The following COL4A6 variants were observed in gnomAD, a reference collection of about 807,000 sequenced individuals.
COL4A6 encodes collagen type IV alpha 6 chain.
A neutral mutation model predicts 126.7 loss-of-function variants in COL4A6; 59 were observed. The ratio of observed to expected loss-of-function variants is 0.47; its 90% CI spans 0.38 to 0.58. The LOEUF is 0.58. Among genes scored for constraint, COL4A6 ranks in the 20% least tolerant of loss-of-function variants. COL4A6 has a pLI of 0.00. For missense variants in COL4A6, 1,285 were observed against 1,337.3 expected, an observed-to-expected ratio of 0.96 and a Z score of 0.61; for synonymous variants, 547 against 496.6, an observed-to-expected ratio of 1.10 and a Z score of -1.35.
chrX:108,236,567 T>C (rs2036435003), intron 3 of COL4A6, among the ~76,000 whole-genome samples: 1 of 111,615 alleles, frequency 9.0e-6, no homozygotes, highest in Non-Finnish European at 1.9e-5. Context: ...AAACATGCTC[T>C]GGAGTGCCTG....
intron 2 of COL4A6, among the ~76,000 whole-genome samples, chrX:108,408,945 G>A (rs1475579569): frequency 2.7e-5 from 3 of 112,091 alleles, no homozygotes; most frequent in Non-Finnish European, 5.6e-5. Flanking sequence ...TGGACAACAA[G>A]AGCGACACTC....
At chrX:108,390,579 T>C (rs1037770129) in intron 2 of COL4A6, among the ~76,000 whole-genome samples, 1 of 109,457 alleles carries the variant, frequency 9.1e-6, no homozygotes, top group Admixed American at 9.9e-5. Flanking sequence ...TTCAGCTCCA[T>C]TGGGTCATTT....
At chrX:108,386,103 T>G (rs2040684824) in intron 2 of COL4A6, among the ~76,000 whole-genome samples, 2 of 112,076 alleles carry the variant, frequency 1.8e-5, no homozygotes, top group African/African-American at 6.5e-5. Context: ...CCACATTTTC[T>G]TTATCCAGTC....
chrX:108,392,347 T>C (rs1270727833), intron 2 of COL4A6, among the ~76,000 whole-genome samples: 3 of 110,285 alleles, frequency 2.7e-5, no homozygotes, highest in Non-Finnish European at 1.9e-5. Context: ...GGAAAAAATA[T>C]TTGCAAATCA....
chrX:108,193,723 C>T (rs1233676601), intron 16 of COL4A6, 26 bp from the exon 17 acceptor site: 1 of 1,114,846 alleles, frequency 9.0e-7, no homozygotes, highest in Non-Finnish European at 1.2e-6. Context: ...ACATTAAACA[C>T]AAATATTTCC....
chrX:108,373,307 C>G (rs1449272867), intron 2 of COL4A6, among the ~76,000 whole-genome samples: 2 of 111,935 alleles, frequency 1.8e-5, no homozygotes, highest in Non-Finnish European at 3.8e-5. Context: ...TAATCTCTTT[C>G]TTTTCAGCCG....
At chrX:108,218,660 T>TG (rs2035929158) in intron 5 of COL4A6, among the ~76,000 whole-genome samples, 1 of 111,779 alleles carries the variant, frequency 8.9e-6, no homozygotes, top group Non-Finnish European at 1.9e-5. Context: ...TATCTATAGA[T>TG]TGGCAAAAAG....
intron 40 of COL4A6, among the ~76,000 whole-genome samples, chrX:108,163,771 T>C (rs1293085847): frequency 8.9e-6 from 1 of 112,330 alleles, no homozygotes; most frequent in Non-Finnish European, 1.9e-5. Context: ...CAGTGGCCTT[T>C]TGCAAGCAAT....
intron 5 of COL4A6, among the ~76,000 whole-genome samples, chrX:108,215,546 C>A (rs747163890): frequency 9.0e-6 from 1 of 111,600 alleles, no homozygotes; most frequent in Non-Finnish European, 1.9e-5. Flanking sequence ...ATGGAGGCAA[C>A]CTAGGCTCCC....
At chrX:108,261,462 A>C (rs1471036552) in intron 3 of COL4A6, among the ~76,000 whole-genome samples, 1 of 111,615 alleles carries the variant, frequency 9.0e-6, no homozygotes, top group Non-Finnish European at 1.9e-5. Context: ...ATAGATGAGG[A>C]AAATGGGGCT....
chrX:108,157,621 C>G (rs979819113), intron 44 of COL4A6, among the ~76,000 whole-genome samples: 7 of 111,635 alleles, frequency 6.3e-5, no homozygotes, highest in Non-Finnish European at 1.3e-4. Context: ...ACAAATGGAT[C>G]TGAGAAAAGC....
intron 2 of COL4A6, among the ~76,000 whole-genome samples, chrX:108,365,554 C>T (rs1245191168): frequency 9.0e-6 from 1 of 111,606 alleles, no homozygotes; most frequent in African/African-American, 3.3e-5. Context: ...ATATAGCTGC[C>T]TCCCAAGTGC....
rs184186090 is a variant in COL4A6, at chrX:108,248,110, A to G, written c.145-26736T>C. ...GTACAGATACCCCAGGGAGAGTACA[A>G]GATGGTTTTCTGGGGTATGAGAAGA... On this transcript the variant is annotated intron_variant, in intron 3 of 44. Coordinates refer to ENST00000334504, the MANE Select transcript of COL4A6 (RefSeq NM_033641.4). Among the ~76,000 whole-genome samples, 186 of 111,675 alleles carry G rather than the reference A, an allele frequency of 1.7e-3. 1 individual carries two copies. In the East Asian group the frequency reaches 0.038, roughly 23 times the overall value.
chrX:108,218,349 T>C (rs1225635479), intron 5 of COL4A6, among the ~76,000 whole-genome samples: 2 of 112,424 alleles, frequency 1.8e-5, no homozygotes, highest in Non-Finnish European at 3.8e-5. Flanking sequence ...AACACAGCCA[T>C]AAGAAAATGT....
chrX:108,161,588 C>A, intron 42 of COL4A6, 31 bp downstream of exon 42: 1 of 528,495 alleles, frequency 1.9e-6, no homozygotes, highest in Non-Finnish European at 3.0e-6. Context: ...CATCCCCGCC[C>A]CGCCCGCCTC....
At chrX:108,315,886 G>C (rs887031854) in intron 2 of COL4A6, among the ~76,000 whole-genome samples, 3 of 112,173 alleles carry the variant, frequency 2.7e-5, no homozygotes, top group African/African-American at 9.7e-5. Flanking sequence ...TGTCACAGCA[G>C]ATATTCAGTG....
intron 5 of COL4A6, among the ~76,000 whole-genome samples, chrX:108,216,790 A>G (rs1329046831): frequency 8.9e-6 from 1 of 112,800 alleles, no homozygotes; most frequent in African/African-American, 3.2e-5. Flanking sequence ...TTTCAAAGGA[A>G]AAGTTTCCAT....
Position 108,206,562 on chromosome X carries a change from C to T in COL4A6, c.565G>A (p.Gly189Arg), listed in dbSNP as rs1170369726. The change falls in exon 9 of 45, where the codon GGA becomes AGA. Residue 189 changes from glycine (G) to arginine (R), a missense_variant. Physicochemically the swap from Gly to Arg is moderately radical, Grantham distance 125. Transcript: ENST00000334504. ...DGITGPQGAP[G>R]FPGAVGPAGP... ...GCAGGTCCTACAGCTCCAGGAAATC[C>T]GGGTGCTCCTTGTGGGCCCTAGAGA... is the stretch of plus-strand genomic sequence containing the variant. 3.3e-6 allele frequency: 4 copies of T among 1,208,263 alleles called. No homozygotes were observed. The highest frequency in any genetic ancestry group is 1.8e-5 in the African/African-American group (1 of 56,918).
Position 108,200,918 on chromosome X carries a change from T to C in COL4A6, c.834+2010A>G, listed in dbSNP as rs192514095. ...TTAATAAAAAGTATAAATATGACCA[T>C]TGTCAAATTACAGATATAAAGAGAG... On this transcript the variant is annotated intron_variant, in intron 13 of 44. Coordinates refer to ENST00000334504, the MANE Select transcript of COL4A6 (RefSeq NM_033641.4). Among the ~76,000 whole-genome samples the C allele has an allele frequency of 5.4e-5, 6 of 112,051 alleles. No homozygotes were observed. The East Asian group carries it at 1.7e-3, about 31-fold the overall frequency.
Sources: gnomAD v4.1 joint callset for allele counts (sites outside exome capture counted in the v4.1 genomes callset) on GRCh38, gnomAD v4.1.1 for gene constraint, MANE v1.5 for transcripts, NCBI Gene and HGNC (gene_info 2026-07-23, HGNC 2026-07-21) for gene names.